The following FHL2 variants were observed in gnomAD, a reference collection of about 807,000 sequenced individuals.
The protein encoded by FHL2 is four and a half LIM domains protein 2.
Under a neutral mutation model 32.7 loss-of-function variants are expected in FHL2, and 20 were observed. The observed-to-expected ratio is 0.61, with a 90% CI of 0.43 to 0.89. The LOEUF (loss-of-function observed/expected upper bound fraction) is 0.89. Among genes scored for constraint, FHL2 ranks in the 40% least tolerant of loss-of-function variants. FHL2 has a pLI of 0.00. For synonymous variants in FHL2, 123 were observed against 128.1 expected, an observed-to-expected ratio of 0.96 and a Z score of 0.27; for missense variants, 311 against 358.6, an observed-to-expected ratio of 0.87 and a Z score of 1.07.
intron 2 of FHL2, among the ~76,000 whole-genome samples, chr2:105,395,323 C>T (rs1450139972): frequency 2.0e-5 from 3 of 152,244 alleles, no homozygotes; most frequent in Non-Finnish European, 2.9e-5. Context: ...CATGCTATGG[C>T]TCTACCATGC....
chr2:105,428,119 A>T (rs931946107), intron 1 of FHL2, among the ~76,000 whole-genome samples: 1 of 152,248 alleles, frequency 6.6e-6, no homozygotes, highest in Non-Finnish European at 1.5e-5. Context: ...AAAAGGTCTC[A>T]GTCAACTAGA....
chr2:105,388,799 A>C (rs945574770), intron 2 of FHL2, among the ~76,000 whole-genome samples: 1 of 151,572 alleles, frequency 6.6e-6, no homozygotes, highest in African/African-American at 2.4e-5. Flanking sequence ...ATACCACTGC[A>C]CCCCAGCCTG....
intron 3 of FHL2, among the ~76,000 whole-genome samples, chr2:105,384,581 C>T (rs567872653): frequency 6.6e-6 from 1 of 152,288 alleles, no homozygotes; most frequent in South Asian, 2.1e-4. Flanking sequence ...GATCTCGGCT[C>T]ACTGTAACTT....
chr2:105,367,604 T>A lies in FHL2; in HGVS notation c.467A>T (p.Lys156Ile), dbSNP rs1321583529. 3.7e-6 allele frequency: 6 copies of A among 1,614,014 alleles called. No homozygotes were observed. The highest frequency in any genetic ancestry group is 5.1e-6 in the Non-Finnish European group (6 of 1,179,998). ...CTGAACGCACTGCATGGCATGTTGT[T>A]TCTCATAGCAGGGCACACAGAAATT... is the stretch of plus-strand genomic sequence containing the variant. ...NQNFCVPCYEKQHAMQCVQCK... is the reference protein window; with the variant it reads ...NQNFCVPCYEIQHAMQCVQCK... The change falls in exon 5 of 7, where the codon AAA becomes ATA. Residue 156 changes from lysine (K) to isoleucine (I), a missense_variant. By Grantham distance (102) the Lys-to-Ile change is moderately radical. Transcript: ENST00000530340.
upstream of FHL2, among the ~76,000 whole-genome samples, chr2:105,402,193 A>G (rs1573383896): frequency 6.7e-6 from 1 of 149,670 alleles, no homozygotes; most frequent in African/African-American, 2.5e-5. Flanking sequence ...GTATATATGT[A>G]TATATATGTG....
At chr2:105,420,516 A>C (rs187981199) in intron 1 of FHL2, among the ~76,000 whole-genome samples, 1 of 152,316 alleles carries the variant, frequency 6.6e-6, no homozygotes, top group Admixed American at 6.5e-5. Flanking sequence ...CACTCAACCC[A>C]TAACACCTTC....
At chr2:105,436,976 T>C (rs1023126644) in intron 1 of FHL2, among the ~76,000 whole-genome samples, 1 of 152,160 alleles carries the variant, frequency 6.6e-6, no homozygotes, top group Non-Finnish European at 1.5e-5. Context: ...TGCAGGTCCC[T>C]GTGCTTTAGG....
Position 105,386,401 on chromosome 2 carries a change from G to T in FHL2, c.116C>A (p.Thr39Asn). Residue 39 changes from threonine (T) to asparagine (N), a missense_variant, in exon 3 of 7, where the codon ACC becomes AAC. Coordinates refer to ENST00000530340, the MANE Select transcript of FHL2 (RefSeq NM_001318895.3). The stretch of plus-strand genomic sequence containing the variant: ...GATGGGCTTCCCACACTCCTCGCAG[G>T]TGTTGGCGAACAGGGTCTCAAAGCA... ...VVCFETLFAN[T>N]CEECGKPIGC... is the part of the protein sequence containing the mutation. The T allele has an allele frequency of 6.2e-7, 1 of 1,614,184 alleles. No individual in the cohort carries two copies. Among genetic ancestry groups the T allele is most frequent in the Non-Finnish European group, 8.5e-7 (1 of 1,180,036 alleles).
At chr2:105,425,929 G>C (rs561537536) in intron 1 of FHL2, among the ~76,000 whole-genome samples, 3 of 152,280 alleles carry the variant, frequency 2.0e-5, no homozygotes, top group South Asian at 4.2e-4. Flanking sequence ...TTGGTGTGCT[G>C]AGCGCCGGTC....
chr2:105,436,383 C>G (rs1684612448), intron 1 of FHL2, among the ~76,000 whole-genome samples: 1 of 151,920 alleles, frequency 6.6e-6, no homozygotes, highest in African/African-American at 2.4e-5. Context: ...AATCTTTATC[C>G]TTTTTTACTT....
chr2:105,427,602 C>T (rs1684304866), intron 1 of FHL2, among the ~76,000 whole-genome samples: 1 of 152,150 alleles, frequency 6.6e-6, no homozygotes, highest in South Asian at 2.1e-4. Flanking sequence ...AACAGAGGCC[C>T]TTGTGAGGGA....
chr2:105,393,980 G>A (rs978295040), intron 2 of FHL2, among the ~76,000 whole-genome samples: 3 of 152,184 alleles, frequency 2.0e-5, no homozygotes, highest in African/African-American at 4.8e-5. Context: ...TGGGAAGAAC[G>A]CACAGATCCC....
intron 1 of FHL2, among the ~76,000 whole-genome samples, chr2:105,424,194 A>T (rs1393614241): frequency 6.6e-6 from 1 of 152,124 alleles, no homozygotes; most frequent in Non-Finnish European, 1.5e-5. Context: ...AAAACAAACA[A>T]CCCCATCAAA....
At chr2:105,361,622 G>A (rs773144281) in intron 6 of FHL2, among the ~76,000 whole-genome samples, 188 bp from the exon 7 acceptor site, 17 of 152,184 alleles carry the variant, frequency 1.1e-4, no homozygotes, top group African/African-American at 4.8e-5. Flanking sequence ...GGAGGATCTC[G>A]TGAATATCAG....
intron 4 of FHL2, among the ~76,000 whole-genome samples, chr2:105,373,191 AAT>A (rs2104530887): frequency 6.6e-6 from 1 of 152,372 alleles, no homozygotes; most frequent in Non-Finnish European, 1.5e-5. Context: ...CACTTGGTGA[AAT>A]AACTGAATGA....
chr2:105,401,480 T>TCC (rs1683466896), upstream of FHL2, among the ~76,000 whole-genome samples: 1 of 152,202 alleles, frequency 6.6e-6, no homozygotes, highest in Non-Finnish European at 1.5e-5. Context: ...TGAAAACATT[T>TCC]TTAAATTACA....
chr2:105,385,029 A>C (rs1682198918), intron 3 of FHL2, among the ~76,000 whole-genome samples: 1 of 152,204 alleles, frequency 6.6e-6, no homozygotes, highest in Non-Finnish European at 1.5e-5. Context: ...AAGATACACA[A>C]CTTTTAGAGT....
At chr2:105,380,486 C>T (rs1166503898) in intron 3 of FHL2, among the ~76,000 whole-genome samples, 3 of 152,212 alleles carry the variant, frequency 2.0e-5, no homozygotes, top group Non-Finnish European at 2.9e-5. Context: ...GCCTCAGCCT[C>T]CCAAAGTGCT....
At chr2:105,401,371 A>T (rs1280386094), upstream of FHL2, among the ~76,000 whole-genome samples, 1 of 152,220 alleles carries the variant, frequency 6.6e-6, no homozygotes, top group Non-Finnish European at 1.5e-5. Context: ...AAATACTATC[A>T]GCCATGGATT....
Sources: gnomAD v4.1 joint callset for allele counts (sites outside exome capture counted in the v4.1 genomes callset) on GRCh38, gnomAD v4.1.1 for gene constraint, MANE v1.5 for transcripts, NCBI Gene and HGNC (gene_info 2026-07-23, HGNC 2026-07-21) for gene names.